PCDHB10: variants seen among roughly 807,000 people sequenced by gnomAD.
PCDHB10 encodes the protein protocadherin beta 10.
For synonymous variants in PCDHB10, 448 were observed against 449.2 expected, an observed-to-expected ratio of 1.00 and a Z score of 0.04; for missense variants, 1,046 against 1,004.7, an observed-to-expected ratio of 1.04 and a Z score of -0.56.
In PCDHB10 at chr5:141,192,451, G is replaced by C; in HGVS notation, c.-102G>C. On this transcript the variant is annotated 5_prime_UTR_variant, in exon 1 of 1. Transcript: ENST00000239446. Reference sequence around the variant, plus strand: ...ATTGGGAAAGGGAAAGGACAAAAAAGACCCCTGGGCTACACGGCGTAGGTG... The same window carrying C: ...ATTGGGAAAGGGAAAGGACAAAAAACACCCCTGGGCTACACGGCGTAGGTG... The C allele has an allele frequency of 1.4e-6, 2 of 1,444,262 alleles. No homozygotes were observed. The highest frequency in any genetic ancestry group is 4.6e-5 in the Admixed American group (2 of 43,914). 89.5% of individuals were successfully genotyped at this position (1,444,262 alleles called of 1,614,324 possible).
rs200335754 is a variant in PCDHB10, at chr5:141,192,613, T to C, written c.61T>C (p.Trp21Arg). Reference sequence around the variant, plus strand: ...GCAAGTCCTGTTTCTTTTTCTTTTTTGGGGAGTGTCCTTGGCAGGTTCTGG... The same window carrying C: ...GCAAGTCCTGTTTCTTTTTCTTTTTCGGGGAGTGTCCTTGGCAGGTTCTGG... ...QRQVLFLFLF[W>R]GVSLAGSGFG... Residue 21 changes from tryptophan to arginine, a missense_variant, in exon 1 of 1, where the codon TGG (tryptophan) becomes CGG (arginine). Trp to Arg is a moderately radical substitution (Grantham distance 101). Coordinates refer to ENST00000239446, the MANE Select transcript of PCDHB10 (RefSeq NM_018930.4). 3 of 1,614,164 alleles carry C rather than the reference T, an allele frequency of 1.9e-6. No individual in the cohort carries two copies.
chr5:141,195,363 C>A lies in PCDHB10; in HGVS notation c.*408C>A, dbSNP rs760797176. The A allele has an allele frequency of 3.2e-4, 55 of 169,868 alleles. No individual in the cohort carries two copies. The highest frequency in any genetic ancestry group is 8.6e-5 in the Non-Finnish European group (6 of 70,158). The allele number at this position is 169,868 out of a possible 1,614,324, so 10.5% of individuals were successfully genotyped here. ...CATTCTATATATTCGTGTTTGAAAA[C>A]CATGTCATTTATTTCTACATCATGT... On this transcript the variant is annotated 3_prime_UTR_variant, in exon 1 of 1. Coordinates refer to ENST00000239446, the MANE Select transcript of PCDHB10 (RefSeq NM_018930.4).
In PCDHB10 at chr5:141,194,181, A is replaced by C. The variant is rs702386; in HGVS notation, c.1629A>C (p.Arg543Ser). The C allele has an allele frequency of 0.59, 940,986 of 1,597,256 alleles. 278,437 individuals are homozygous for C. The highest frequency in any genetic ancestry group is 0.68 in the East Asian group (30,057 of 44,472). Residue 543 changes from arginine to serine, a missense_variant, in exon 1 of 1, where the codon AGA becomes AGC. Transcript: ENST00000239446. ...ATDRGSPALS[R>S]EALVRVLVLD... ...ACCGCGGCTCCCCCGCGCTGAGCAG[A>C]GAGGCGCTGGTGCGCGTGCTGGTGC... is the stretch of plus-strand genomic sequence containing the variant.
rs1229777473 is a variant in PCDHB10 at position 141,195,219 on chromosome 5, A to G, written c.*264A>G. ...GAATTAATTACTATTATATCTCATT[A>G]CAGAAATCTGAGGTTTTGATTCATT... On this transcript the variant is annotated 3_prime_UTR_variant, in exon 1 of 1. Transcript: ENST00000239446. The G allele has an allele frequency of 6.3e-6, 2 of 315,856 alleles. No homozygotes were observed. The highest frequency in any genetic ancestry group is 4.4e-5 in the African/African-American group (2 of 45,554). The allele number at this position is 315,856 out of a possible 1,614,324, so 19.6% of individuals were successfully genotyped here.
chr5:141,194,417 G>T lies in PCDHB10; in HGVS notation c.1865G>T (p.Gly622Val). 6 of 1,603,442 alleles carry T rather than the reference G, an allele frequency of 3.7e-6. No individual in the cohort carries two copies. Among genetic ancestry groups the T allele is most frequent in the Non-Finnish European group, 5.1e-6 (6 of 1,179,474 alleles). The change falls in exon 1 of 1, where the codon GGG becomes GTG. Residue 622 changes from glycine (G) to valine (V), a missense_variant. Transcript: ENST00000239446. ...PGLFGVWAHN[G>V]EVRTARLLSE... ...CTGTTCGGTGTGTGGGCGCACAATG[G>T]GGAGGTGCGCACCGCCAGGCTGCTG...
In PCDHB10 at chr5:141,192,945, A is replaced by G. The variant is rs1753939266; in HGVS notation, c.393A>G (p.Pro131=). Residue 131 remains proline, a synonymous_variant, in exon 1 of 1, where the codon CCA becomes CCG. Transcript: ENST00000239446. ...TCAGGGATATAAATGATCACGCGCC[A>G]GTATTTCAGGACAAAGAAACAGTCT... is the stretch of plus-strand genomic sequence containing the variant. ...LRVRDINDHA[P]VFQDKETVLK... 1.2e-6 allele frequency: 2 copies of G among 1,614,200 alleles called. No individual in the cohort carries two copies. Among genetic ancestry groups the G allele is most frequent in the East Asian group, 2.2e-5 (1 of 44,886 alleles).
Position 141,193,462 on chromosome 5 carries a change from A to C in PCDHB10, c.910A>C (p.Arg304=). ...TCCTTTTTCTGGGGAAATCTTTCTC[A>C]GAGAATTGCTTGATTATGAGTTAGT... ...INPFSGEIFL[R]ELLDYELVNS... Residue 304 remains arginine (R), a synonymous_variant, in exon 1 of 1, where the codon AGA becomes CGA. Transcript: ENST00000239446. 4 of 1,614,150 alleles carry C rather than the reference A, an allele frequency of 2.5e-6. No homozygotes were observed. The highest frequency in any genetic ancestry group is 3.4e-6 in the Non-Finnish European group (4 of 1,180,006).
rs1554283813 is a variant in PCDHB10, at chr5:141,192,536, T to A, written c.-17T>A. On this transcript the variant is annotated 5_prime_UTR_variant, in exon 1 of 1. Coordinates refer to ENST00000239446, the MANE Select transcript of PCDHB10 (RefSeq NM_018930.4). ...GCTGTGGCTGTAACCAACTAGGAAATAACGTATGCAGCAGCTATGGCTGTC... is the reference window on the plus strand; with the variant it reads ...GCTGTGGCTGTAACCAACTAGGAAAAAACGTATGCAGCAGCTATGGCTGTC... The A allele has an allele frequency of 6.2e-7, 1 of 1,608,494 alleles. No homozygotes were observed. Among genetic ancestry groups the A allele is most frequent in the African/African-American group, 1.3e-5 (1 of 74,658 alleles).
chr5:141,193,804 A>G lies in PCDHB10; in HGVS notation c.1252A>G (p.Asn418Asp). ...GGACAGAGAGATCAGAGCCGAGTAC[A>G]ACATCACTATCACCGTCACTGACTT... is the stretch of plus-strand genomic sequence containing the variant. ...ALDREIRAEY[N>D]ITITVTDLGT... The change falls in exon 1 of 1, where the codon AAC becomes GAC. Residue 418 changes from asparagine to aspartate, a missense_variant. Asn to Asp is a conservative substitution (Grantham distance 23). Coordinates refer to ENST00000239446, the MANE Select transcript of PCDHB10 (RefSeq NM_018930.4). 3 of 1,614,184 alleles carry G rather than the reference A, an allele frequency of 1.9e-6. No individual in the cohort carries two copies. The highest frequency in any genetic ancestry group is 2.5e-6 in the Non-Finnish European group (3 of 1,180,040).
rs200818430 is a variant in PCDHB10 at position 141,192,915 on chromosome 5, G to C, written c.363G>C (p.Leu121=). 6.2e-7 allele frequency: 1 copy of C among 1,614,076 alleles called. No homozygotes were observed. Among genetic ancestry groups the C allele is most frequent in the Non-Finnish European group, 8.5e-7 (1 of 1,180,034 alleles). Residue 121 remains leucine, a synonymous_variant, in exon 1 of 1, where the codon CTG becomes CTC. Transcript: ENST00000239446. ...CCTTTCAGATTTACCGGGCTGAGCT[G>C]AGAGTCAGGGATATAAATGATCACG... ...DDPFQIYRAE[L]RVRDINDHAP... is the part of the protein sequence containing the mutation.
In PCDHB10 at chr5:141,194,343, C is replaced by T; in HGVS notation, c.1791C>T (p.Gly597=). The change falls in exon 1 of 1, where the codon GGC becomes GGT. Residue 597 remains glycine (G), a synonymous_variant. Coordinates refer to ENST00000239446, the MANE Select transcript of PCDHB10 (RefSeq NM_018930.4). The part of the protein sequence containing the change: ...TKVVAVDGDS[G]QNAWLSYQLL... ...TGGTGGCGGTGGACGGCGACTCGGG[C>T]CAGAACGCCTGGCTGTCGTACCAGC... is the stretch of plus-strand genomic sequence containing the variant. 2 of 1,601,702 alleles carry T rather than the reference C, an allele frequency of 1.2e-6. No individual in the cohort carries two copies. Among genetic ancestry groups the T allele is most frequent in the Non-Finnish European group, 1.7e-6 (2 of 1,178,708 alleles).
rs1488988517 is a variant in PCDHB10, at chr5:141,193,407, A to T, written c.855A>T (p.Ser285=). The T allele has an allele frequency of 3.7e-6, 6 of 1,614,086 alleles. No homozygotes were observed. The highest frequency in any genetic ancestry group is 5.1e-6 in the Non-Finnish European group (6 of 1,180,028). ...TATCCTATTCATTTTTTGATGCCTC[A>T]GAAAATATTCGAACAACCTTTCAAA... is the stretch of plus-strand genomic sequence containing the variant. ...AEVSYSFFDA[S]ENIRTTFQIN... is the part of the protein sequence containing the mutation. The change falls in exon 1 of 1, where the codon TCA becomes TCT. Residue 285 remains serine (S), a synonymous_variant. Coordinates refer to ENST00000239446, the MANE Select transcript of PCDHB10 (RefSeq NM_018930.4).
chr5:141,193,530 C>A lies in PCDHB10; in HGVS notation c.978C>A (p.Gly326=), dbSNP rs782115170. 5 of 1,613,948 alleles carry A rather than the reference C, an allele frequency of 3.1e-6. No homozygotes were observed. In the African/African-American group the frequency reaches 6.7e-5, roughly 22 times the overall value. The change falls in exon 1 of 1, where the codon GGC becomes GGA. Residue 326 remains glycine, a synonymous_variant. Coordinates refer to ENST00000239446, the MANE Select transcript of PCDHB10 (RefSeq NM_018930.4). The part of the protein sequence containing the change: ...KINIQAMDGG[G]LSARCRVLVE... ...ATATACAGGCAATGGACGGTGGAGG[C>A]CTTTCTGCAAGATGTAGGGTTTTAG...
Position 141,195,209 on chromosome 5 carries a change from A to C in PCDHB10, c.*254A>C, listed in dbSNP as rs544611163. 2.9e-5 allele frequency: 10 copies of C among 347,864 alleles called. No individual in the cohort carries two copies. The South Asian group carries it at 4.6e-4, about 16-fold the overall frequency. The allele number at this position is 347,864 out of a possible 1,614,324, so 21.5% of individuals were successfully genotyped here. On this transcript the variant is annotated 3_prime_UTR_variant, in exon 1 of 1. Coordinates refer to ENST00000239446, the MANE Select transcript of PCDHB10 (RefSeq NM_018930.4). Reference sequence around the variant, plus strand: ...ACTGCCCAAGGAATTAATTACTATTATATCTCATTACAGAAATCTGAGGTT... The same window carrying C: ...ACTGCCCAAGGAATTAATTACTATTCTATCTCATTACAGAAATCTGAGGTT...
chr5:141,194,242 C>G lies in PCDHB10; in HGVS notation c.1690C>G (p.Pro564Ala), dbSNP rs781980467. 4 of 1,605,436 alleles carry G rather than the reference C, an allele frequency of 2.5e-6. No individual in the cohort carries two copies. The highest frequency in any genetic ancestry group is 3.4e-6 in the Non-Finnish European group (4 of 1,178,272). Residue 564 changes from proline (P) to alanine (A), a missense_variant, in exon 1 of 1, where the codon CCG becomes GCG. Transcript: ENST00000239446. ...ANDNSPFVLY[P>A]LQNGSAPCTE... ...CGACAACTCGCCCTTCGTGCTGTAC[C>G]CGCTGCAGAACGGCTCCGCGCCCTG...
Position 141,194,460 on chromosome 5 carries a change from C to G in PCDHB10, c.1908C>G (p.Ala636=). ...TARLLSERDA[A]KHRLVVLVKD... is the part of the protein sequence containing the mutation. The stretch of plus-strand genomic sequence containing the variant: ...GGCTGCTGAGCGAGCGCGACGCAGC[C>G]AAGCACAGGCTCGTGGTGCTTGTCA... Residue 636 remains alanine, a synonymous_variant, in exon 1 of 1, where the codon GCC becomes GCG. Coordinates refer to ENST00000239446, the MANE Select transcript of PCDHB10 (RefSeq NM_018930.4). 1 of 1,603,516 alleles carries G rather than the reference C, an allele frequency of 6.2e-7. No homozygotes were observed. The highest frequency in any genetic ancestry group is 1.1e-5 in the South Asian group (1 of 90,768).
In PCDHB10 at chr5:141,193,369, G is replaced by A; in HGVS notation, c.817G>A (p.Val273Ile). 1 of 1,614,206 alleles carries A rather than the reference G, an allele frequency of 6.2e-7. No individual in the cohort carries two copies. Among genetic ancestry groups the A allele is most frequent in the Non-Finnish European group, 8.5e-7 (1 of 1,180,028 alleles). The part of the protein sequence containing the change: ...KVWAEDVDSG[V>I]NAEVSYSFFD... The stretch of plus-strand genomic sequence containing the variant: ...ATGGGCAGAAGATGTAGACTCTGGA[G>A]TCAACGCGGAAGTATCCTATTCATT... The change falls in exon 1 of 1, where the codon GTC (valine) becomes ATC (isoleucine). Residue 273 changes from valine to isoleucine, a missense_variant. Coordinates refer to ENST00000239446, the MANE Select transcript of PCDHB10 (RefSeq NM_018930.4).
rs1410554377 is a variant in PCDHB10 at position 141,195,182 on chromosome 5, C to T, written c.*227C>T. On this transcript the variant is annotated 3_prime_UTR_variant, in exon 1 of 1. Transcript: ENST00000239446. ...ATAGTGTTAAGGTTTTAATTCTTTC[C>T]AACTGCCCAAGGAATTAATTACTAT... is the stretch of plus-strand genomic sequence containing the variant. The T allele has an allele frequency of 2.3e-6, 1 of 436,484 alleles. No individual in the cohort carries two copies. Among genetic ancestry groups the T allele is most frequent in the Non-Finnish European group, 4.1e-6 (1 of 241,742 alleles). The allele number at this position is 436,484 out of a possible 1,614,324, so 27.0% of individuals were successfully genotyped here.
Position 141,192,918 on chromosome 5 carries a change from A to G in PCDHB10, c.366A>G (p.Arg122=). The G allele has an allele frequency of 6.2e-7, 1 of 1,614,084 alleles. No individual in the cohort carries two copies. Among genetic ancestry groups the G allele is most frequent in the Non-Finnish European group, 8.5e-7 (1 of 1,180,024 alleles). The stretch of plus-strand genomic sequence containing the variant: ...TTCAGATTTACCGGGCTGAGCTGAG[A>G]GTCAGGGATATAAATGATCACGCGC... ...DPFQIYRAEL[R]VRDINDHAPV... The change falls in exon 1 of 1, where the codon AGA becomes AGG. Residue 122 remains arginine, a synonymous_variant. Transcript: ENST00000239446.
Sources: allele counts gnomAD v4.1 joint callset, GRCh38; gene constraint gnomAD v4.1.1; transcripts MANE v1.5; gene names NCBI Gene and HGNC (gene_info 2026-07-23, HGNC 2026-07-21).